Variants in NPAS3 observed in about 807,000 individuals in gnomAD.
NPAS3 encodes neuronal PAS domain-containing protein 3.
A neutral mutation model predicts 73.1 loss-of-function variants in NPAS3; 14 were observed. The ratio of observed to expected loss-of-function variants is 0.19; its 90% CI spans 0.13 to 0.30. NPAS3 has a LOEUF of 0.30. Among genes scored for constraint, NPAS3 ranks in the 10% least tolerant of loss-of-function variants. NPAS3 has a pLI of 1.00. For missense variants in NPAS3, 1,096 were observed against 1,250.0 expected (o/e 0.88, Z 1.86); for synonymous variants, 620 against 541.5 (o/e 1.14, Z -2.01).
chr14:33,627,420 C>A (rs1476670840), intron 5 of NPAS3, among the ~76,000 whole-genome samples: 2 of 152,096 alleles, frequency 1.3e-5, no homozygotes. Context: ...TATCGGGATG[C>A]ACCTAACTGA....
chr14:33,238,839 T>C (rs147729611), intron 3 of NPAS3, among the ~76,000 whole-genome samples: 3 of 152,000 alleles, frequency 2.0e-5, no homozygotes, highest in African/African-American at 7.2e-5. Context: ...AAAATGAATA[T>C]GGAAAGTCTT....
At chr14:33,734,172 T>C (rs931130421) in intron 6 of NPAS3, among the ~76,000 whole-genome samples, 1 of 152,156 alleles carries the variant, frequency 6.6e-6, no homozygotes, top group African/African-American at 2.4e-5. Context: ...ATACGACTAC[T>C]CGAAAGAAAT....
chr14:32,947,398 G>A (rs1441841312), intron 1 of NPAS3, among the ~76,000 whole-genome samples: 1 of 152,052 alleles, frequency 6.6e-6, no homozygotes, highest in Admixed American at 6.6e-5. Context: ...AGACATGAAT[G>A]AATATGGATA....
At chr14:33,067,803 C>T (rs1379372934) in intron 2 of NPAS3, among the ~76,000 whole-genome samples, 12 of 152,230 alleles carry the variant, frequency 7.9e-5, no homozygotes, top group African/African-American at 7.2e-5. Flanking sequence ...CAAAATAGAA[C>T]TTGGGGTCTT....
intron 3 of NPAS3, among the ~76,000 whole-genome samples, chr14:33,301,298 T>C (rs1397215440): frequency 1.1e-5 from 1 of 88,190 alleles, no homozygotes; most frequent in Non-Finnish European, 2.3e-5. Flanking sequence ...CCCACCTAGG[T>C]TTTATCATTA....
chr14:33,547,388 A>G (rs1363547720), intron 4 of NPAS3, among the ~76,000 whole-genome samples: 1 of 152,206 alleles, frequency 6.6e-6, no homozygotes, highest in Non-Finnish European at 1.5e-5. Context: ...TATGAAATTT[A>G]CACTAGCCAA....
rs2053909298 is a variant in NPAS3 at position 33,528,648 on chromosome 14, G to A, written c.469-31473G>A. On this transcript the variant is annotated intron_variant, in intron 4 of 11. Coordinates refer to ENST00000356141, the Ensembl canonical transcript of NPAS3. ...CTCTTCCCAGCGCCTGCTTAACCAG[G>A]CTGCGAAAAAGTTGCATTTACCCAG... Among the ~76,000 whole-genome samples, 6 of 151,986 alleles carry A rather than the reference G, an allele frequency of 3.9e-5. No homozygotes were observed. In the South Asian group the frequency reaches 1.2e-3, roughly 32 times the overall value.
chr14:33,347,010 G>A (rs2044770438), intron 3 of NPAS3, among the ~76,000 whole-genome samples: 1 of 152,148 alleles, frequency 6.6e-6, no homozygotes. Context: ...GTCTGCCACT[G>A]GGATAAGGGA....
At chr14:33,233,513 G>T (rs1430918165) in intron 3 of NPAS3, among the ~76,000 whole-genome samples, 1 of 152,044 alleles carries the variant, frequency 6.6e-6, no homozygotes, top group Admixed American at 6.6e-5. Flanking sequence ...GTTACATACT[G>T]ATCATTTATA....
At chr14:33,242,060 T>C (rs553899514) in intron 3 of NPAS3, among the ~76,000 whole-genome samples, 1 of 152,166 alleles carries the variant, frequency 6.6e-6, no homozygotes, top group Non-Finnish European at 1.5e-5. Flanking sequence ...ATAAAAATTT[T>C]GTTTTCCAAC....
intron 9 of NPAS3, among the ~76,000 whole-genome samples, chr14:33,782,495 G>T (rs2063007816): frequency 6.6e-6 from 1 of 152,172 alleles, no homozygotes; most frequent in Admixed American, 6.5e-5. Context: ...AGCTGAATTT[G>T]TCTCGAGATA....
chr14:33,801,189 G>A, downstream of NPAS3: 1 of 1,513,164 alleles, frequency 6.6e-7, no homozygotes, highest in Non-Finnish European at 8.8e-7. Flanking sequence ...TTTAATTCTA[G>A]CACTTTGAAT....
At chr14:33,450,189 T>C (rs2049725080) in intron 4 of NPAS3, among the ~76,000 whole-genome samples, 1 of 152,242 alleles carries the variant, frequency 6.6e-6, no homozygotes, top group Admixed American at 6.5e-5. Flanking sequence ...GGGACACTTT[T>C]CTTTATGCAA....
intron 2 of NPAS3, among the ~76,000 whole-genome samples, chr14:33,175,354 A>G (rs1456690043): frequency 6.6e-5 from 10 of 152,322 alleles, no homozygotes; most frequent in Non-Finnish European, 1.5e-5. Context: ...ACCATTAAAA[A>G]AATTTGTACA....
At chr14:33,349,956 G>C (rs147717210) in intron 3 of NPAS3, among the ~76,000 whole-genome samples, 1 of 152,178 alleles carries the variant, frequency 6.6e-6, no homozygotes, top group African/African-American at 2.4e-5. Context: ...CACACTCCGC[G>C]TCCTCTGGCA....
At position 33,441,913 on chromosome 14, in the gene NPAS3, T is replaced by C. The variant is rs546250062; in HGVS notation, c.468+74645T>C. On this transcript the variant is annotated intron_variant, in intron 4 of 11. Transcript: ENST00000356141. ...ACATGGGAAAGACCCTCCCCCATGA[T>C]TCAATTACCTCCCCCCAGGTTCCTC... 1.4e-3 allele frequency among the ~76,000 whole-genome samples: 218 copies of C among 152,270 alleles called. 1 individual carries two copies. The highest frequency in any genetic ancestry group is 2.9e-3 in the Admixed American group (45 of 15,292).
In NPAS3 at chr14:33,297,499, ATTG is replaced by A. The variant is rs1406518714; in HGVS notation, c.386-69684_386-69682del. 2.6e-5 allele frequency among the ~76,000 whole-genome samples: 4 copies of A among 152,116 alleles called. No individual in the cohort carries two copies. The East Asian group carries it at 7.7e-4, about 29-fold the overall frequency. Reference sequence around the variant, plus strand: ...CTGTATCTCCCTGTTACTCTCATTTATTGTTATTTTTTACTTGGAGATGCTGAG... The same window carrying A: ...CTGTATCTCCCTGTTACTCTCATTTATTATTTTTTACTTGGAGATGCTGAG... On this transcript the variant is annotated intron_variant, in intron 3 of 11. Transcript: ENST00000356141.
At chr14:33,661,880 TTCCCACCCAC>T (rs2059318753) in intron 5 of NPAS3, among the ~76,000 whole-genome samples, 1 of 152,216 alleles carries the variant, frequency 6.6e-6, no homozygotes, top group Non-Finnish European at 1.5e-5. Context: ...CACCCCTCTC[TTCCCACCCAC>T]TCCCAACCTT....
chr14:33,464,103 C>A (rs2050398672), intron 4 of NPAS3, among the ~76,000 whole-genome samples: 1 of 152,082 alleles, frequency 6.6e-6, no homozygotes. Flanking sequence ...TATCCCAAAA[C>A]AGTTAAGTAA....
Sources: allele counts gnomAD v4.1 joint callset (sites outside exome capture counted in the v4.1 genomes callset), GRCh38; gene constraint gnomAD v4.1.1; transcripts MANE v1.5; gene names NCBI Gene and HGNC (gene_info 2026-07-23, HGNC 2026-07-21).